The following ZNF451 variants were observed in gnomAD, a reference collection of about 807,000 sequenced individuals.
The protein encoded by ZNF451 is E3 SUMO-protein ligase ZNF451.
In ZNF451, 80 loss-of-function variants were observed where a neutral mutation model predicts 107.1. The observed-to-expected ratio is 0.75, with a 90% confidence interval of 0.62 to 0.90. ZNF451 has a LOEUF of 0.90. Ranked by LOEUF, ZNF451 falls within the 40% of genes least tolerant of loss-of-function variation. ZNF451 has a pLI of 0.00. For synonymous variants in ZNF451, 362 were observed against 406.5 expected (o/e 0.89, Z 1.32); for missense variants, 1,107 against 1,236.2 (o/e 0.90, Z 1.57).
At chr6:57,099,389 A>G (rs1239144239) in intron 3 of ZNF451, 4 of 705,550 alleles carry the variant, frequency 5.7e-6, no homozygotes, top group Non-Finnish European at 1.0e-5. Flanking sequence ...TAGAGGTGAT[A>G]TCTGATAAAA....
chr6:57,124,448 T>A (rs947073742), intron 3 of ZNF451: 3 of 716,766 alleles, frequency 4.2e-6, no homozygotes, highest in Non-Finnish European at 7.8e-6. Flanking sequence ...CTTTGCCTGA[T>A]GACCCTACCT....
At chr6:57,108,334 T>A (rs756213143) in intron 3 of ZNF451, 1 of 985,272 alleles carries the variant, frequency 1.0e-6, no homozygotes. Context: ...CAGTTAGACC[T>A]CTTGTTAACT....
chr6:57,164,476 T>C (rs1763814096), intron 14 of ZNF451, among the ~76,000 whole-genome samples: 1 of 152,214 alleles, frequency 6.6e-6, no homozygotes, highest in Non-Finnish European at 1.5e-5. Context: ...GTCTGTTAAC[T>C]AGAGGTATTC....
intron 3 of ZNF451, among the ~76,000 whole-genome samples, chr6:57,112,321 C>T (rs949210417): frequency 3.3e-5 from 5 of 152,134 alleles, no homozygotes; most frequent in African/African-American, 1.2e-4. Context: ...CTGTTCAAAC[C>T]AAATGCGCTA....
chr6:57,095,629 G>A (rs1325341824), intron 2 of ZNF451, among the ~76,000 whole-genome samples: 1 of 152,024 alleles, frequency 6.6e-6, no homozygotes, highest in East Asian at 1.9e-4. Flanking sequence ...TACCACGCTC[G>A]TCTGGATTTT....
In ZNF451 at chr6:57,108,574, C is replaced by T; in HGVS notation, c.186+9433C>T. ...ACTACTGTTAGGTATGCAGCCCGTTCCTTTTTGCCTTCAGTAGAATATAGT... is the reference window on the plus strand; with the variant it reads ...ACTACTGTTAGGTATGCAGCCCGTTTCTTTTTGCCTTCAGTAGAATATAGT... On this transcript the variant is annotated intron_variant, in intron 3 of 14. Coordinates refer to ENST00000370706, the MANE Select transcript of ZNF451 (RefSeq NM_001031623.3). The T allele has an allele frequency of 4.1e-6, 4 of 985,286 alleles. No individual in the cohort carries two copies. The South Asian group carries it at 1.4e-4, about 35-fold the overall frequency. The allele number at this position is 985,286 out of a possible 1,614,324, so 61.0% of individuals were successfully genotyped here. A position where few individuals can be genotyped will look rare whatever the true frequency, so the allele number is the denominator to read the frequency against.
chr6:57,117,994 G>A (rs1830452995), intron 3 of ZNF451, among the ~76,000 whole-genome samples: 1 of 152,012 alleles, frequency 6.6e-6, no homozygotes, highest in Non-Finnish European at 1.5e-5. Context: ...TCGGAGAGAT[G>A]AAAAAAATCC....
At chr6:57,131,118 A>G (rs1405527524) in intron 5 of ZNF451, among the ~76,000 whole-genome samples, 1 of 152,092 alleles carries the variant, frequency 6.6e-6, no homozygotes, top group East Asian at 1.9e-4. Flanking sequence ...GACTCATTCA[A>G]TCTATTTCAA....
At position 57,106,951 on chromosome 6, in the gene ZNF451, T is replaced by TG. The variant is rs1428623591; in HGVS notation, c.186+7811dup. ...TATAAACCATTAAAATATTATTTTA[T>TG]GAAATTTCCCTTCCTGGATGAACAG... On this transcript the variant is annotated intron_variant, in intron 3 of 14. Coordinates refer to ENST00000370706, the MANE Select transcript of ZNF451 (RefSeq NM_001031623.3). 6 of 929,026 alleles carry TG rather than the reference T, an allele frequency of 6.5e-6. No individual in the cohort carries two copies. The East Asian group carries it at 7.0e-4, about 109-fold the overall frequency. The allele number at this position is 929,026 out of a possible 1,614,324, so 57.5% of individuals were successfully genotyped here.
Position 57,152,213 on chromosome 6 carries a change from A to G in ZNF451, c.2753-8A>G. 6.3e-7 allele frequency: 1 copy of G among 1,595,904 alleles called. No homozygotes were observed. The highest frequency in any genetic ancestry group is 1.3e-5 in the African/African-American group (1 of 74,084). On this transcript the variant is annotated splice_polypyrimidine_tract_variant and splice_region_variant and intron_variant, in intron 11 of 14. Transcript: ENST00000370706. ...GATTATCATTTTTGCCTTTTCTAAA[A>G]TTAATAGGAGGAAACACCAATTGGA... is the stretch of plus-strand genomic sequence containing the variant.
intron 3 of ZNF451, chr6:57,108,300 C>G (rs1008309251): frequency 9.1e-6 from 9 of 985,420 alleles, no homozygotes; most frequent in Non-Finnish European, 1.1e-5. Flanking sequence ...GTGGCTCTAT[C>G]ACAGCATTTA....
Position 57,141,459 on chromosome 6 carries a change from T to G in ZNF451, c.856+4T>G. 1 of 1,607,500 alleles carries G rather than the reference T, an allele frequency of 6.2e-7. No individual in the cohort carries two copies. Among genetic ancestry groups the G allele is most frequent in the Non-Finnish European group, 8.5e-7 (1 of 1,176,230 alleles). On this transcript the variant is annotated splice_donor_region_variant and intron_variant, in intron 8 of 14. Transcript: ENST00000370706. Reference sequence around the variant, plus strand: ...CATCAGAGTTTCAAACTGGGTGGTATGTTAATACTCTCTTCTGCTGAAAAT... The same window carrying G: ...CATCAGAGTTTCAAACTGGGTGGTAGGTTAATACTCTCTTCTGCTGAAAAT...
intron 3 of ZNF451, among the ~76,000 whole-genome samples, chr6:57,111,571 A>G (rs1467519093): frequency 2.0e-5 from 3 of 151,682 alleles, no homozygotes; most frequent in Admixed American, 6.6e-5. Context: ...AGTAGATACA[A>G]GATTTCACCA....
chr6:57,157,218 G>A (rs1208212670), intron 13 of ZNF451, among the ~76,000 whole-genome samples: 1 of 152,158 alleles, frequency 6.6e-6, no homozygotes, highest in African/African-American at 2.4e-5. Context: ...GGACTAAAAA[G>A]TGGTTTTTAT....
chr6:57,095,081 C>T (rs1829223684), intron 2 of ZNF451, among the ~76,000 whole-genome samples: 1 of 152,122 alleles, frequency 6.6e-6, no homozygotes, highest in Non-Finnish European at 1.5e-5. Flanking sequence ...AGCTCATTAT[C>T]ATGGAAGTTT....
chr6:57,138,381 G>A (rs1377464036), intron 7 of ZNF451, among the ~76,000 whole-genome samples: 1 of 151,564 alleles, frequency 6.6e-6, no homozygotes, highest in East Asian at 1.9e-4. Context: ...TTCTGCCTCA[G>A]CCTCCTGGGT....
At chr6:57,107,978 A>G in intron 3 of ZNF451, 2 of 481,468 alleles carry the variant, frequency 4.2e-6, no homozygotes, top group South Asian at 8.9e-5. Flanking sequence ...AGCTGGGACT[A>G]CAGGCGCCCG....
At chr6:57,099,741 T>G (rs999818310) in intron 3 of ZNF451, 4 of 451,568 alleles carry the variant, frequency 8.9e-6, no homozygotes, top group Non-Finnish European at 1.6e-5. Context: ...TTGAGCCCTT[T>G]GTAACAGTCT....
chr6:57,104,201 C>T lies in ZNF451; in HGVS notation c.186+5060C>T, dbSNP rs1593086302. 4 of 985,324 alleles carry T rather than the reference C, an allele frequency of 4.1e-6. No homozygotes were observed. In the Admixed American group the frequency reaches 2.5e-4, roughly 61 times the overall value. The allele number at this position is 985,324 out of a possible 1,614,324, so 61.0% of individuals were successfully genotyped here. The stretch of plus-strand genomic sequence containing the variant: ...TAAACTCTAGAAGAATATCGATTAC[C>T]TGAACAGAAACAAAGGCCTAAGAAA... On this transcript the variant is annotated intron_variant, in intron 3 of 14. Coordinates refer to ENST00000370706, the MANE Select transcript of ZNF451 (RefSeq NM_001031623.3).
Sources: gnomAD v4.1 joint callset for allele counts (sites outside exome capture counted in the v4.1 genomes callset) on GRCh38, gnomAD v4.1.1 for gene constraint, MANE v1.5 for transcripts, NCBI Gene and HGNC (gene_info 2026-07-23, HGNC 2026-07-21) for gene names.